Variants in CADM2 observed in about 807,000 individuals in gnomAD.
The protein encoded by CADM2 is cell adhesion molecule 2.
CADM2 carries 12 observed loss-of-function variants against 49.8 expected under a neutral mutation model. The ratio of observed to expected loss-of-function variants is 0.24; its 90% CI spans 0.15 to 0.39. CADM2 has a LOEUF of 0.39. Ranked by LOEUF, CADM2 falls within the 10% of genes least tolerant of loss-of-function variation. CADM2 has a pLI of 1.00. For synonymous variants in CADM2, 214 were observed against 175.4 expected, an observed-to-expected ratio of 1.22 and a Z score of -1.74; for missense variants, 378 against 492.3, an observed-to-expected ratio of 0.77 and a Z score of 2.20.
chr3:85,149,517 G>A (rs776042642), intron 1 of CADM2, among the ~76,000 whole-genome samples: 1 of 152,102 alleles, frequency 6.6e-6, no homozygotes, highest in Non-Finnish European at 1.5e-5. Flanking sequence ...ATGAGGTCTG[G>A]AGATCGAGAC....
At chr3:85,254,193 A>G (rs934181676) in intron 1 of CADM2, among the ~76,000 whole-genome samples, 1 of 152,078 alleles carries the variant, frequency 6.6e-6, no homozygotes. Context: ...TGTAAAGTAT[A>G]TTACAAAGGA....
At chr3:85,312,195 G>A (rs563286297) in intron 1 of CADM2, among the ~76,000 whole-genome samples, 211 of 152,094 alleles carry the variant, frequency 1.4e-3, no homozygotes, top group African/African-American at 4.7e-3. Flanking sequence ...AATACCAATA[G>A]CTTATTGAAG....
Position 85,621,984 on chromosome 3 carries a change from A to G in CADM2, c.62-104538A>G, listed in dbSNP as rs180796940. Among the ~76,000 whole-genome samples, 39 of 152,354 alleles carry G rather than the reference A, an allele frequency of 2.6e-4. No homozygotes were observed. In the East Asian group the frequency reaches 6.6e-3, roughly 26 times the overall value. ...AGGGTTAGTTCAGTTTTACAAAATA[A>G]AAGTATATATTTAATTTTAAAATTG... On this transcript the variant is annotated intron_variant, in intron 1 of 9. Transcript: ENST00000383699.
intron 8 of CADM2, among the ~76,000 whole-genome samples, chr3:85,968,951 G>A (rs937885796): frequency 3.3e-5 from 5 of 151,358 alleles, no homozygotes; most frequent in Admixed American, 6.6e-5. Context: ...TACTTGTTTC[G>A]GATTCTAAAA....
chr3:85,845,824 A>G (rs563901721), intron 3 of CADM2, among the ~76,000 whole-genome samples: 83 of 152,312 alleles, frequency 5.4e-4, no homozygotes, highest in Middle Eastern at 6.8e-3. Context: ...TAATTTTAAC[A>G]TGGTGTTTAG....
intron 1 of CADM2, among the ~76,000 whole-genome samples, chr3:85,501,593 T>G (rs2040116746): frequency 6.6e-6 from 1 of 152,118 alleles, no homozygotes; most frequent in South Asian, 2.1e-4. Context: ...ACCAGACAAC[T>G]TAAATTCAAA....
intron 1 of CADM2, among the ~76,000 whole-genome samples, chr3:85,154,317 T>C (rs1223954636): frequency 6.6e-6 from 1 of 152,026 alleles, no homozygotes. Flanking sequence ...GCTCATGCGA[T>C]CAACTGGAAG....
At chr3:85,365,185 TTTTTTTTTTTTTAC>T (rs1559802020) in intron 1 of CADM2, among the ~76,000 whole-genome samples, 3 of 124,598 alleles carry the variant, frequency 2.4e-5, no homozygotes, top group East Asian at 5.0e-4. Context: ...TGGGAGGGTT[TTTTTTTTTTTTTAC>T]TTTTTTTTTT....
chr3:85,053,508 A>C (rs963118355), intron 1 of CADM2, among the ~76,000 whole-genome samples: 1 of 151,988 alleles, frequency 6.6e-6, no homozygotes. Context: ...GTTTTTGAAC[A>C]CTTAAGGCTC....
chr3:85,731,398 A>G (rs2067924388), intron 2 of CADM2, among the ~76,000 whole-genome samples: 1 of 152,190 alleles, frequency 6.6e-6, no homozygotes, highest in Non-Finnish European at 1.5e-5. Context: ...AATTTTCATT[A>G]AAGTTCACAC....
intron 1 of CADM2, among the ~76,000 whole-genome samples, chr3:85,414,194 G>C (rs550655227): frequency 6.4e-4 from 97 of 152,280 alleles, no homozygotes; most frequent in Non-Finnish European, 1.1e-3. Flanking sequence ...ACATTAATGT[G>C]TGATCATAGC....
At chr3:85,153,177 G>C (rs1386787307) in intron 1 of CADM2, among the ~76,000 whole-genome samples, 2 of 152,100 alleles carry the variant, frequency 1.3e-5, no homozygotes, top group African/African-American at 4.8e-5. Context: ...GAGGTACCGG[G>C]TTCATCTCAC....
intron 1 of CADM2, among the ~76,000 whole-genome samples, chr3:85,481,229 G>GAT (rs3086137): frequency 0.19 from 28,012 of 144,854 alleles, 3,257 homozygotes; most frequent in Non-Finnish European, 0.26. Flanking sequence ...ATATATATTG[G>GAT]ATATATATAT....
chr3:85,251,692 A>G (rs946574840), intron 1 of CADM2, among the ~76,000 whole-genome samples: 3 of 152,002 alleles, frequency 2.0e-5, no homozygotes, highest in Admixed American at 1.3e-4. Context: ...GCTGACCAGT[A>G]TCTTTACAGG....
At chr3:85,220,715 T>C (rs751333392) in intron 1 of CADM2, among the ~76,000 whole-genome samples, 12 of 152,076 alleles carry the variant, frequency 7.9e-5, no homozygotes, top group Admixed American at 7.2e-4. Flanking sequence ...CTTGTGACTA[T>C]GGCCAGGATG....
chr3:85,621,407 T>A (rs969045822), intron 1 of CADM2, among the ~76,000 whole-genome samples: 1 of 152,166 alleles, frequency 6.6e-6, no homozygotes, highest in Non-Finnish European at 1.5e-5. Flanking sequence ...ACACGTCATA[T>A]TCCTATGTTA....
At chr3:85,819,466 T>C (rs1577391376) in intron 3 of CADM2, among the ~76,000 whole-genome samples, 1 of 152,304 alleles carries the variant, frequency 6.6e-6, no homozygotes, top group East Asian at 1.9e-4. Flanking sequence ...GGCTTTGTGA[T>C]ATAGTTAAGC....
intron 1 of CADM2, among the ~76,000 whole-genome samples, chr3:85,098,579 G>A (rs2037892329): frequency 1.3e-5 from 2 of 152,046 alleles, no homozygotes; most frequent in African/African-American, 4.8e-5. Context: ...CTAGAAGGAG[G>A]ACATCTAGTT....
intron 1 of CADM2, among the ~76,000 whole-genome samples, chr3:85,553,215 G>C (rs1473862612): frequency 6.6e-6 from 1 of 152,098 alleles, no homozygotes; most frequent in Non-Finnish European, 1.5e-5. Flanking sequence ...ATGGGACCAA[G>C]AGTTATTAAT....
Sources: gnomAD v4.1 joint callset for allele counts (sites outside exome capture counted in the v4.1 genomes callset) on GRCh38, gnomAD v4.1.1 for gene constraint, MANE v1.5 for transcripts, NCBI Gene and HGNC (gene_info 2026-07-23, HGNC 2026-07-21) for gene names.